BTC: variants seen among roughly 807,000 people sequenced by gnomAD.
The protein encoded by BTC is betacellulin.
BTC carries 13 observed loss-of-function variants against 18.1 expected under a neutral mutation model. The observed-to-expected ratio is 0.72, with a 90% CI of 0.47 to 1.14. The LOEUF (loss-of-function observed/expected upper bound fraction) is 1.14, where lower values mean the gene tolerates loss of function less well. BTC is among the 50% of genes most tolerant of loss of function. The pLI, the probability that BTC is intolerant of heterozygous loss-of-function variation, is 0.00. For synonymous variants in BTC, 83 were observed against 79.4 expected, an observed-to-expected ratio of 1.05 and a Z score of -0.24; for missense variants, 247 against 224.2, an observed-to-expected ratio of 1.10 and a Z score of -0.65.
intron 1 of BTC, among the ~76,000 whole-genome samples, chr4:74,782,342 G>T (rs1725354417): frequency 6.6e-6 from 1 of 152,176 alleles, no homozygotes; most frequent in South Asian, 2.1e-4. Context: ...GCTTATAAGT[G>T]AGAACAATGG....
intron 2 of BTC, among the ~76,000 whole-genome samples, chr4:74,769,677 A>G (rs1322502923): frequency 6.6e-6 from 1 of 152,178 alleles, no homozygotes; most frequent in African/African-American, 2.4e-5. Context: ...AACTTTGGGT[A>G]GAATATGTCA....
At chr4:74,782,632 G>A (rs889506285) in intron 1 of BTC, among the ~76,000 whole-genome samples, 2 of 152,094 alleles carry the variant, frequency 1.3e-5, no homozygotes, top group Non-Finnish European at 2.9e-5. Context: ...GGGATTACTG[G>A]GTTAAATGGT....
At chr4:74,761,459 C>A (rs567228086) in intron 2 of BTC, among the ~76,000 whole-genome samples, 1 of 152,298 alleles carries the variant, frequency 6.6e-6, no homozygotes, top group African/African-American at 2.4e-5. Flanking sequence ...ATTTAGTTTA[C>A]ATCCTAGTTT....
At chr4:74,765,505 A>AG (rs1278191125) in intron 2 of BTC, among the ~76,000 whole-genome samples, 13 of 152,290 alleles carry the variant, frequency 8.5e-5, no homozygotes, top group Non-Finnish European at 1.9e-4. Context: ...ACCATAACAC[A>AG]GGCAGACCAA....
chr4:74,783,925 G>T (rs964354117), intron 1 of BTC, among the ~76,000 whole-genome samples: 1 of 151,922 alleles, frequency 6.6e-6, no homozygotes, highest in Non-Finnish European at 1.5e-5. Context: ...CTTGACTGTT[G>T]TTGGTGTATA....
chr4:74,781,117 C>G (rs1324574876), intron 1 of BTC, among the ~76,000 whole-genome samples: 1 of 152,058 alleles, frequency 6.6e-6, no homozygotes, highest in East Asian at 1.9e-4. Flanking sequence ...CATTTATGTA[C>G]CATCCAGACC....
At chr4:74,791,189 A>G (rs190165189) in intron 1 of BTC, among the ~76,000 whole-genome samples, 7 of 152,224 alleles carry the variant, frequency 4.6e-5, no homozygotes, top group African/African-American at 1.7e-4. Context: ...AAAAAATACA[A>G]TAATTAGCTG....
intron 1 of BTC, among the ~76,000 whole-genome samples, chr4:74,781,684 T>G (rs1377214654): frequency 6.9e-6 from 1 of 145,160 alleles, no homozygotes; most frequent in Non-Finnish European, 1.5e-5. Context: ...ATAATCTACC[T>G]CTGTCTTTTT....
intron 1 of BTC, among the ~76,000 whole-genome samples, chr4:74,771,458 A>G (rs1366654013): frequency 6.6e-6 from 1 of 152,210 alleles, no homozygotes; most frequent in Non-Finnish European, 1.5e-5. Flanking sequence ...AGGAACACAC[A>G]GGTGAATAGG....
intron 2 of BTC, 52 bp from the exon 3 acceptor site, chr4:74,756,028 G>A (rs782064923): frequency 7.3e-7 from 1 of 1,372,134 alleles, no homozygotes; most frequent in South Asian, 1.2e-5. Context: ...ATATTCACTT[G>A]TAAATAGAAT....
intron 5 of BTC, among the ~76,000 whole-genome samples, chr4:74,747,657 A>C (rs570756368): frequency 1.3e-5 from 2 of 152,342 alleles, no homozygotes; most frequent in Non-Finnish European, 1.5e-5. Context: ...TGCTACATTT[A>C]AAGAGCTTGT....
chr4:74,760,734 ATT>A (rs72231277), intron 2 of BTC, among the ~76,000 whole-genome samples: 51,165 of 135,464 alleles, frequency 0.38, 8,985 homozygotes, highest in East Asian at 0.57. Context: ...TTAGCATGTC[ATT>A]TTTTTTTTTT....
At chr4:74,790,301 C>T (rs1310074938) in intron 1 of BTC, among the ~76,000 whole-genome samples, 1 of 152,162 alleles carries the variant, frequency 6.6e-6, no homozygotes, top group African/African-American at 2.4e-5. Context: ...ATGTTTGGGG[C>T]ACATTTTGAG....
chr4:74,768,822 AT>A (rs972192958), intron 2 of BTC, among the ~76,000 whole-genome samples: 5 of 152,218 alleles, frequency 3.3e-5, no homozygotes, highest in African/African-American at 1.2e-4. Flanking sequence ...CTGTCATCAA[AT>A]TATGGGATAA....
At chr4:74,748,408 C>A (rs1322334296) in intron 4 of BTC, among the ~76,000 whole-genome samples, 1 of 151,948 alleles carries the variant, frequency 6.6e-6, no homozygotes, top group African/African-American at 2.4e-5. Flanking sequence ...TGGTGGTGGG[C>A]GCCTGTAGTC....
chr4:74,749,742 C>T (rs1434696867), intron 4 of BTC, among the ~76,000 whole-genome samples: 1 of 51,050 alleles, frequency 2.0e-5, no homozygotes, highest in East Asian at 3.5e-4. Context: ...TAGTCCTGCT[C>T]TGCAAAAAAA....
chr4:74,761,544 A>G (rs1362190567), intron 2 of BTC, among the ~76,000 whole-genome samples: 2 of 152,206 alleles, frequency 1.3e-5, no homozygotes, highest in Admixed American at 6.5e-5. Flanking sequence ...ACTTAACACT[A>G]TCAAAATAGA....
chr4:74,756,889 C>T (rs1242826350), intron 2 of BTC, among the ~76,000 whole-genome samples: 9 of 152,192 alleles, frequency 5.9e-5, no homozygotes, highest in Non-Finnish European at 8.8e-5. Context: ...TCCCCATCAC[C>T]GACATGTAAA....
chr4:74,782,323 TCAGC>T, intron 1 of BTC, among the ~76,000 whole-genome samples: 3 of 152,190 alleles, frequency 2.0e-5, no homozygotes, highest in African/African-American at 7.2e-5. Flanking sequence ...TTCACATCAT[TCAGC>T]TCCCGCTTAT....
Sources: gnomAD v4.1 joint callset for allele counts (sites outside exome capture counted in the v4.1 genomes callset) on GRCh38, gnomAD v4.1.1 for gene constraint, MANE v1.5 for transcripts, NCBI Gene and HGNC (gene_info 2026-07-23, HGNC 2026-07-21) for gene names.